Variants in NLGN4X observed in about 807,000 individuals in gnomAD.
NLGN4X encodes the protein neuroligin 4 X-linked.
NLGN4X carries 3 observed loss-of-function variants against 40.3 expected under a neutral mutation model. That is an observed-to-expected ratio of 0.07 (90% CI 0.03 to 0.19). The LOEUF (loss-of-function observed/expected upper bound fraction) is 0.19. Ranked by LOEUF, NLGN4X falls within the 10% of genes least tolerant of loss-of-function variation. The pLI is 1.00. For missense variants in NLGN4X, 382 were observed against 708.3 expected (o/e 0.54, Z 5.23); for synonymous variants, 270 against 306.8 (o/e 0.88, Z 1.25).
chrX:6,199,919 A>C (rs1176543156), intron 1 of NLGN4X, among the ~76,000 whole-genome samples: 2 of 112,041 alleles, frequency 1.8e-5, no homozygotes, highest in Non-Finnish European at 3.8e-5. Context: ...ATATTCCCTT[A>C]GGTGAGAGAG....
rs375260964 is a variant in NLGN4X at position 6,151,221 on chromosome X, G to A, written c.246C>T (p.Pro82=). Residue 82 remains proline (P), a synonymous_variant, in exon 2 of 6, where the codon CCC becomes CCT. Coordinates refer to ENST00000381095, the MANE Select transcript of NLGN4X (RefSeq NM_181332.3). Reference sequence around the variant, plus strand: ...GGGGCTGAAACCGCCTCTCTCCAGTGGGGGGTGAGGCATAGGGGACCCCTA... The same window carrying A: ...GGGGCTGAAACCGCCTCTCTCCAGTAGGGGGTGAGGCATAGGGGACCCCTA... ...QYLGVPYASP[P]TGERRFQPPE... The A allele has an allele frequency of 1.9e-5, 23 of 1,207,270 alleles. No homozygotes were observed. The South Asian group carries it at 1.9e-4, about 10-fold the overall frequency.
At position 6,179,905 on chromosome X, in the gene NLGN4X, G is replaced by A. The variant is rs965041717; in HGVS notation, c.-305-28134C>T. 3.6e-5 allele frequency among the ~76,000 whole-genome samples: 4 copies of A among 111,694 alleles called. 1 individual carries two copies. Among genetic ancestry groups the A allele is most frequent in the South Asian group, 7.5e-4 (2 of 2,675 alleles). ...ATAGCTTCTGTTTTCTCATAAGCAC[G>A]TTCCTTACTCCTTCGTATCTTCTAA... On this transcript the variant is annotated intron_variant, in intron 1 of 5. Transcript: ENST00000381095.
At chrX:6,070,601 A>T (rs2038035862) in intron 2 of NLGN4X, among the ~76,000 whole-genome samples, 2 of 111,733 alleles carry the variant, frequency 1.8e-5, no homozygotes, top group East Asian at 5.6e-4. Flanking sequence ...AAATAAACAT[A>T]AACTAGCTGG....
chrX:5,962,284 T>C (rs1035156231), intron 3 of NLGN4X, among the ~76,000 whole-genome samples: 2 of 112,260 alleles, frequency 1.8e-5, no homozygotes, highest in Middle Eastern at 4.3e-3. Context: ...ACATGCATAC[T>C]GCATGCATCA....
chrX:6,047,976 G>T (rs2037370920), intron 2 of NLGN4X, among the ~76,000 whole-genome samples: 1 of 111,325 alleles, frequency 9.0e-6, no homozygotes, highest in Admixed American at 9.5e-5. Context: ...AGAAAGCCTG[G>T]GCCCCTGGAA....
At chrX:6,095,755 A>T (rs760891842) in intron 2 of NLGN4X, among the ~76,000 whole-genome samples, 3 of 111,949 alleles carry the variant, frequency 2.7e-5, no homozygotes, top group African/African-American at 9.7e-5. Flanking sequence ...TTAGGTGTTA[A>T]AGACTTGGAG....
At chrX:6,137,779 C>T (rs749140440) in intron 2 of NLGN4X, among the ~76,000 whole-genome samples, 4 of 112,223 alleles carry the variant, frequency 3.6e-5, no homozygotes, top group Non-Finnish European at 7.5e-5. Context: ...TGATGAGCTC[C>T]ATTATTTTCC....
intron 3 of NLGN4X, among the ~76,000 whole-genome samples, chrX:5,930,807 T>C (rs1374693997): frequency 8.9e-6 from 1 of 112,021 alleles, no homozygotes; most frequent in African/African-American, 3.2e-5. Flanking sequence ...GGAATACTGG[T>C]TTTATCTTGA....
At chrX:6,094,159 A>C (rs1427835006) in intron 2 of NLGN4X, among the ~76,000 whole-genome samples, 1 of 111,438 alleles carries the variant, frequency 9.0e-6, no homozygotes, top group Non-Finnish European at 1.9e-5. Context: ...ACTGTGTTTT[A>C]GAATTTACAG....
Position 6,196,551 on chromosome X carries a change from C to CAAAAAAAAAAAA in NLGN4X, c.-306+31978_-306+31989dup, listed in dbSNP as rs374097705. Among the ~76,000 whole-genome samples, 11 of 23,318 alleles carry CAAAAAAAAAAAA rather than the reference C, an allele frequency of 4.7e-4. 1 individual carries two copies. The highest frequency in any genetic ancestry group is 2.2e-3 in the Admixed American group (3 of 1,362). The allele number at this position is 23,318 out of a possible 115,157, so 20.2% of individuals were successfully genotyped here. On this transcript the variant is annotated intron_variant, in intron 1 of 5. Coordinates refer to ENST00000381095, the MANE Select transcript of NLGN4X (RefSeq NM_181332.3). Reference sequence around the variant, plus strand: ...TGGGCGACAGAGCGAGACTCTGTCTCAAAAAAAAAAAAAAAAAAAAAAAAA... The same window carrying CAAAAAAAAAAAA: ...TGGGCGACAGAGCGAGACTCTGTCTCAAAAAAAAAAAAAAAAAAAAAAAAAAAAAAAAAAAAA...
chrX:6,058,525 A>G (rs1184517895), intron 2 of NLGN4X, among the ~76,000 whole-genome samples: 1 of 112,220 alleles, frequency 8.9e-6, no homozygotes, highest in African/African-American at 3.2e-5. Context: ...TGGCACATTC[A>G]TTGTTAGAAA....
rs1469979482 is a variant in NLGN4X at position 5,892,721 on chromosome X, ACTTT to A, written c.*92_*95del. On this transcript the variant is annotated 3_prime_UTR_variant, in exon 6 of 6. Coordinates refer to ENST00000381095, the MANE Select transcript of NLGN4X (RefSeq NM_181332.3). ...GGACAAAAACATTCCTGGTCTGGAGACTTTCTTTCTCTCTCTCTTTCCTTCTCTC... is the reference window on the plus strand; with the variant it reads ...GGACAAAAACATTCCTGGTCTGGAGACTTTCTCTCTCTCTTTCCTTCTCTC... 4.6e-5 allele frequency: 52 copies of A among 1,128,676 alleles called. No homozygotes were observed. The highest frequency in any genetic ancestry group is 6.1e-5 in the Non-Finnish European group (51 of 837,460). The allele number at this position is 1,128,676 out of a possible 1,213,427, so 93.0% of individuals were successfully genotyped here. A position where few individuals can be genotyped will look rare whatever the true frequency, so the allele number is the denominator to read the frequency against.
At chrX:5,986,950 T>G (rs1419832808) in intron 3 of NLGN4X, among the ~76,000 whole-genome samples, 1 of 112,277 alleles carries the variant, frequency 8.9e-6, no homozygotes, top group East Asian at 2.8e-4. Flanking sequence ...AGTTGAAGAT[T>G]TGAACCAGCA....
chrX:6,189,570 T>C, intron 1 of NLGN4X, among the ~76,000 whole-genome samples: 1 of 112,147 alleles, frequency 8.9e-6, no homozygotes, highest in Non-Finnish European at 1.9e-5. Flanking sequence ...CTCATTTCCT[T>C]CTCATGATTG....
chrX:6,186,751 C>A (rs995622778), intron 1 of NLGN4X: 1 of 111,764 alleles, frequency 8.9e-6, no homozygotes, highest in Non-Finnish European at 1.9e-5. Context: ...AACACAGATA[C>A]AAGACATAAG....
rs945106599 is a variant in NLGN4X at position 6,205,981 on chromosome X, G to C, written c.-306+22560C>G. 2.7e-5 allele frequency among the ~76,000 whole-genome samples: 3 copies of C among 111,935 alleles called. No individual in the cohort carries two copies. In the South Asian group the frequency reaches 1.1e-3, roughly 42 times the overall value. ...ATGGTTTAAAATGAGCAGTATTCAAGTCAAGCGTCTTAATTACAATGATCA... is the reference window on the plus strand; with the variant it reads ...ATGGTTTAAAATGAGCAGTATTCAACTCAAGCGTCTTAATTACAATGATCA... On this transcript the variant is annotated intron_variant, in intron 1 of 5. Coordinates refer to ENST00000381095, the MANE Select transcript of NLGN4X (RefSeq NM_181332.3).
At chrX:5,897,098 A>T (rs1454788784) in intron 5 of NLGN4X, among the ~76,000 whole-genome samples, 1 of 112,144 alleles carries the variant, frequency 8.9e-6, no homozygotes, top group African/African-American at 3.2e-5. Flanking sequence ...GGAACAACAT[A>T]AAAAAATCAA....
intron 3 of NLGN4X, among the ~76,000 whole-genome samples, chrX:5,986,386 A>C (rs1026929553): frequency 8.9e-5 from 10 of 112,126 alleles, no homozygotes; most frequent in Non-Finnish European, 1.3e-4. Flanking sequence ...AAGGAAAAAT[A>C]AACTAGACCT....
chrX:5,973,312 G>T (rs1374402665), intron 3 of NLGN4X, among the ~76,000 whole-genome samples: 2 of 112,490 alleles, frequency 1.8e-5, no homozygotes, highest in Non-Finnish European at 3.8e-5. Context: ...GGGCAGATTT[G>T]AGTAGTCAGG....
Sources: allele counts gnomAD v4.1 joint callset (sites outside exome capture counted in the v4.1 genomes callset), GRCh38; gene constraint gnomAD v4.1.1; transcripts MANE v1.5; gene names NCBI Gene and HGNC (gene_info 2026-07-23, HGNC 2026-07-21).